Variants in SDK1 observed in about 807,000 individuals in gnomAD.
SDK1 encodes the protein protein sidekick-1.
A neutral mutation model predicts 245.5 loss-of-function variants in SDK1; 157 were observed. That is an observed-to-expected ratio of 0.64 (90% CI 0.56 to 0.73). The LOEUF (loss-of-function observed/expected upper bound fraction) is 0.73, where lower values mean the gene tolerates loss of function less well. SDK1 is among the 30% of genes least tolerant of loss of function. SDK1 has a pLI of 0.00. For synonymous variants in SDK1, 1,647 were observed against 1,278.5 expected (o/e 1.29, Z -6.15); for missense variants, 3,583 against 3,002.3 (o/e 1.19, Z -4.52).
intron 4 of SDK1, among the ~76,000 whole-genome samples, chr7:3,658,488 G>GA (rs966462117): frequency 4.9e-4 from 69 of 141,650 alleles, no homozygotes; most frequent in Admixed American, 4.9e-4. Flanking sequence ...AGTCTTTAAG[G>GA]AAAAAAAAAA....
chr7:3,722,799 G>A (rs529171007), intron 4 of SDK1, among the ~76,000 whole-genome samples: 4 of 152,284 alleles, frequency 2.6e-5, no homozygotes, highest in African/African-American at 9.6e-5. Context: ...GTCTTGCTCA[G>A]AGGCTGAAGC....
chr7:4,021,283 C>G (rs755136307), intron 17 of SDK1, among the ~76,000 whole-genome samples: 24 of 152,128 alleles, frequency 1.6e-4, no homozygotes, highest in Non-Finnish European at 3.4e-4. Context: ...ATCCACAGAT[C>G]GGGGTACTGG....
chr7:3,417,600 C>A (rs1229892150), intron 1 of SDK1, among the ~76,000 whole-genome samples: 2 of 152,160 alleles, frequency 1.3e-5, no homozygotes, highest in African/African-American at 2.4e-5. Flanking sequence ...GCTCATTAAC[C>A]TCTGTGTTTC....
At chr7:4,238,675 A>G (rs1250706556) in intron 42 of SDK1, among the ~76,000 whole-genome samples, 1 of 151,538 alleles carries the variant, frequency 6.6e-6, no homozygotes, top group African/African-American at 2.4e-5. Flanking sequence ...CAGCCTCCCC[A>G]GTAGCTAGGA....
chr7:3,999,132 A>G lies in SDK1; in HGVS notation c.2131+11810A>G, dbSNP rs1784885010. Among the ~76,000 whole-genome samples the G allele has an allele frequency of 2.0e-5, 3 of 152,176 alleles. No homozygotes were observed. The South Asian group carries it at 6.2e-4, about 32-fold the overall frequency. ...AGGAGATATCTCTCCCCAAACACACACACACACACGCACACACACATGTAT... is the reference window on the plus strand; with the variant it reads ...AGGAGATATCTCTCCCCAAACACACGCACACACACGCACACACACATGTAT... On this transcript the variant is annotated intron_variant, in intron 14 of 44. Transcript: ENST00000404826.
chr7:3,397,605 T>C (rs1362006820), intron 1 of SDK1, among the ~76,000 whole-genome samples: 1 of 152,016 alleles, frequency 6.6e-6, no homozygotes, highest in Non-Finnish European at 1.5e-5. Context: ...TTCTGTTGTT[T>C]TACAGATTCT....
Position 3,962,756 on chromosome 7 carries a change from T to G in SDK1, c.1334T>G (p.Ile445Ser). ...YKVLASGGLR[I>S]QKLRPEDSGI... ...GTGCTCGCCAGCGGAGGCCTGCGCATCCAGAAGCTGCGTCCAGAGGACTCC... is the reference window on the plus strand; with the variant it reads ...GTGCTCGCCAGCGGAGGCCTGCGCAGCCAGAAGCTGCGTCCAGAGGACTCC... Residue 445 changes from isoleucine (I) to serine (S), a missense_variant, in exon 9 of 45, where the codon ATC (isoleucine) becomes AGC (serine). Coordinates refer to ENST00000404826, the MANE Select transcript of SDK1 (RefSeq NM_152744.4). 1 of 1,613,716 alleles carries G rather than the reference T, an allele frequency of 6.2e-7. No individual in the cohort carries two copies. Among genetic ancestry groups the G allele is most frequent in the Non-Finnish European group, 8.5e-7 (1 of 1,179,886 alleles).
At chr7:4,046,712 A>T (rs970658705) in intron 17 of SDK1, among the ~76,000 whole-genome samples, 24 of 152,194 alleles carry the variant, frequency 1.6e-4, no homozygotes, top group Admixed American at 2.6e-4. Context: ...TCATACAGTA[A>T]AGGTTATCCA....
intron 17 of SDK1, among the ~76,000 whole-genome samples, chr7:4,020,483 C>G (rs2128153622): frequency 6.6e-6 from 1 of 152,284 alleles, no homozygotes; most frequent in Non-Finnish European, 1.5e-5. Context: ...CATCAGACCA[C>G]CAGTCTAGAA....
At chr7:3,667,482 T>C (rs1451006712) in intron 4 of SDK1, among the ~76,000 whole-genome samples, 1 of 152,202 alleles carries the variant, frequency 6.6e-6, no homozygotes, top group Non-Finnish European at 1.5e-5. Flanking sequence ...TAGAATTCAC[T>C]CTTTTTGATA....
At chr7:3,578,020 GTTTC>G (rs770325904) in intron 1 of SDK1, among the ~76,000 whole-genome samples, 3 of 152,012 alleles carry the variant, frequency 2.0e-5, no homozygotes, top group African/African-American at 7.2e-5. Context: ...AGGTGGCAAT[GTTTC>G]TTTCTTTTCC....
At chr7:4,235,458 C>T (rs1447904578) in intron 41 of SDK1, among the ~76,000 whole-genome samples, 1 of 152,134 alleles carries the variant, frequency 6.6e-6, no homozygotes, top group Non-Finnish European at 1.5e-5. Flanking sequence ...GTCACGGCGC[C>T]CAGCTGACCA....
At chr7:4,091,437 G>A (rs1348675361) in intron 22 of SDK1, among the ~76,000 whole-genome samples, 2 of 147,144 alleles carry the variant, frequency 1.4e-5, no homozygotes, top group African/African-American at 5.1e-5. Context: ...CCACCTCCCA[G>A]GTTCAAATGA....
At chr7:4,145,550 C>T (rs74634324) in intron 28 of SDK1, among the ~76,000 whole-genome samples, 172 bp from the exon 29 acceptor site, 1 of 152,026 alleles carries the variant, frequency 6.6e-6, no homozygotes, top group African/African-American at 2.4e-5. Context: ...CACGTGGGGC[C>T]CCACCATTCA....
At chr7:4,072,687 C>T (rs1780331414) in intron 20 of SDK1, among the ~76,000 whole-genome samples, 1 of 152,238 alleles carries the variant, frequency 6.6e-6, no homozygotes, top group African/African-American at 2.4e-5. Flanking sequence ...ACCATGCTCT[C>T]GCAGGCTTCC....
chr7:4,259,884 G>T (rs1213312021), intron 44 of SDK1, among the ~76,000 whole-genome samples: 1 of 152,176 alleles, frequency 6.6e-6, no homozygotes, highest in African/African-American at 2.4e-5. Context: ...GAGCTCAGGT[G>T]CAGGCTCCCA....
intron 5 of SDK1, among the ~76,000 whole-genome samples, chr7:3,880,831 T>C (rs1175612867): frequency 6.6e-6 from 1 of 152,114 alleles, no homozygotes; most frequent in East Asian, 1.9e-4. Flanking sequence ...AACTGTGATC[T>C]GACAGTGGAA....
chr7:4,000,474 T>G lies in SDK1; in HGVS notation c.2132-10492T>G, dbSNP rs545154370. Among the ~76,000 whole-genome samples the G allele has an allele frequency of 3.3e-5, 5 of 152,176 alleles. No individual in the cohort carries two copies. The South Asian group carries it at 1.0e-3, about 32-fold the overall frequency. On this transcript the variant is annotated intron_variant, in intron 14 of 44. Transcript: ENST00000404826. ...CTCCCCAGCATCTTTGCAGGAGAGGTTCTTCCTCCACAAAGAGAATCTCTG... is the reference window on the plus strand; with the variant it reads ...CTCCCCAGCATCTTTGCAGGAGAGGGTCTTCCTCCACAAAGAGAATCTCTG...
chr7:4,152,756 C>T (rs1780470581), intron 30 of SDK1, among the ~76,000 whole-genome samples: 1 of 152,248 alleles, frequency 6.6e-6, no homozygotes, highest in Admixed American at 6.5e-5. Context: ...ATAATCCTGA[C>T]AGCTACATTT....
Sources: allele counts gnomAD v4.1 joint callset (sites outside exome capture counted in the v4.1 genomes callset), GRCh38; gene constraint gnomAD v4.1.1; transcripts MANE v1.5; gene names NCBI Gene and HGNC (gene_info 2026-07-23, HGNC 2026-07-21).